The following GPR176 variants were observed in gnomAD, a reference collection of about 807,000 sequenced individuals.
GPR176 encodes G protein-coupled receptor 176.
A neutral mutation model predicts 35.4 loss-of-function variants in GPR176; 26 were observed. The ratio of observed to expected loss-of-function variants is 0.74; its 90% confidence interval spans 0.54 to 1.02. GPR176 has a LOEUF of 1.02. Ranked by LOEUF, GPR176 falls within the 50% of genes least tolerant of loss-of-function variation. The probability of loss-of-function intolerance (pLI) is 0.00; values close to 1 mark genes in which losing one functional copy is unlikely to be tolerated. For missense variants in GPR176, 597 were observed against 665.3 expected (o/e 0.90, Z 1.13); for synonymous variants, 278 against 271.3 (o/e 1.02, Z -0.24).
chr15:39,823,518 C>T (rs1304546747), intron 1 of GPR176, among the ~76,000 whole-genome samples: 3 of 152,300 alleles, frequency 2.0e-5, no homozygotes, highest in Non-Finnish European at 2.9e-5. Context: ...AGCTGCTTCT[C>T]TCCATCCCCA....
intron 1 of GPR176, among the ~76,000 whole-genome samples, chr15:39,808,795 T>C (rs1403890305): frequency 6.6e-6 from 1 of 152,114 alleles, no homozygotes; most frequent in Non-Finnish European, 1.5e-5. Context: ...GAGAACCCCT[T>C]TTGTAGTATG....
intron 1 of GPR176, among the ~76,000 whole-genome samples, chr15:39,855,049 T>TTA (rs1185001917): frequency 2.5e-5 from 3 of 119,656 alleles, no homozygotes; most frequent in Non-Finnish European, 5.1e-5. Context: ...AGACCCTGTC[T>TTA]CAAAAAAAAA....
At chr15:39,821,969 A>T (rs1900303767) in intron 1 of GPR176, among the ~76,000 whole-genome samples, 1 of 152,222 alleles carries the variant, frequency 6.6e-6, no homozygotes, top group Non-Finnish European at 1.5e-5. Context: ...TAGGTCACAA[A>T]AGGCATTGCT....
intron 1 of GPR176, among the ~76,000 whole-genome samples, chr15:39,838,584 C>T (rs1258639426): frequency 6.6e-6 from 1 of 152,068 alleles, no homozygotes; most frequent in Admixed American, 6.6e-5. Context: ...ACAAAAACCA[C>T]ATGATTATCT....
At chr15:39,896,121 C>G (rs185605927) in intron 1 of GPR176, among the ~76,000 whole-genome samples, 65 of 152,214 alleles carry the variant, frequency 4.3e-4, no homozygotes, top group Admixed American at 1.5e-3. Context: ...GTGGCATGAT[C>G]GTAGCTCACT....
At chr15:39,821,535 A>G (rs753174068) in intron 1 of GPR176, among the ~76,000 whole-genome samples, 44 of 152,234 alleles carry the variant, frequency 2.9e-4, no homozygotes, top group Non-Finnish European at 4.7e-4. Context: ...TTAGCCAATA[A>G]ATTTTAATAT....
chr15:39,829,199 C>A, intron 1 of GPR176: 1 of 1,528,622 alleles, frequency 6.5e-7, no homozygotes, highest in Admixed American at 2.0e-5. Context: ...CAACACCTCA[C>A]AACGCAACCC....
intron 1 of GPR176, among the ~76,000 whole-genome samples, chr15:39,874,414 C>G (rs1250098239): frequency 1.3e-5 from 2 of 152,114 alleles, no homozygotes; most frequent in Non-Finnish European, 2.9e-5. Flanking sequence ...TAATTGGCAT[C>G]TTTTTTTTAT....
intron 2 of GPR176, among the ~76,000 whole-genome samples, chr15:39,803,561 GTGA>G (rs1255288163): frequency 6.6e-6 from 1 of 152,078 alleles, no homozygotes; most frequent in Non-Finnish European, 1.5e-5. Flanking sequence ...GATTACAGAC[GTGA>G]GCCACCGTGC....
chr15:39,907,885 TGA>T (rs2140875728), intron 1 of GPR176, among the ~76,000 whole-genome samples: 1 of 152,300 alleles, frequency 6.6e-6, no homozygotes, highest in African/African-American at 2.4e-5. Context: ...CTCAGGAGGC[TGA>T]GGCAGAAGAA....
intron 1 of GPR176, among the ~76,000 whole-genome samples, chr15:39,906,076 T>A (rs2033413837): frequency 6.6e-6 from 1 of 152,244 alleles, no homozygotes; most frequent in South Asian, 2.1e-4. Context: ...TTTAAAAAGA[T>A]GCTGAAGGTT....
chr15:39,867,774 G>A (rs2031889962), intron 1 of GPR176, among the ~76,000 whole-genome samples: 1 of 152,072 alleles, frequency 6.6e-6, no homozygotes, highest in Admixed American at 6.6e-5. Flanking sequence ...GTGAAGTGAG[G>A]AGTGGACACA....
intron 1 of GPR176, chr15:39,829,186 A>C: frequency 6.5e-6 from 10 of 1,532,396 alleles, no homozygotes; most frequent in Non-Finnish European, 8.7e-6. Flanking sequence ...TCTCATGAAG[A>C]GACAACACCT....
At chr15:39,912,615 C>G (rs1249231698) in intron 1 of GPR176, among the ~76,000 whole-genome samples, 1 of 141,902 alleles carries the variant, frequency 7.0e-6, no homozygotes, top group Non-Finnish European at 1.5e-5. Context: ...GAGACCCTGT[C>G]TCAAAAAAAA....
chr15:39,838,293 C>G (rs1033624705), intron 1 of GPR176, among the ~76,000 whole-genome samples: 3 of 152,088 alleles, frequency 2.0e-5, no homozygotes, highest in African/African-American at 7.2e-5. Context: ...GCCCCATTTG[C>G]TTAAATCAAA....
chr15:39,803,547 G>A (rs1899017047), intron 2 of GPR176, among the ~76,000 whole-genome samples: 1 of 151,956 alleles, frequency 6.6e-6, no homozygotes, highest in East Asian at 1.9e-4. Context: ...TCCCAAAGTG[G>A]TTGGATTACA....
chr15:39,848,066 G>T (rs1161393056), intron 1 of GPR176, among the ~76,000 whole-genome samples: 1 of 152,060 alleles, frequency 6.6e-6, no homozygotes, highest in Non-Finnish European at 1.5e-5. Context: ...CAGCACATGG[G>T]AGATGGTGCT....
intron 1 of GPR176, among the ~76,000 whole-genome samples, chr15:39,891,460 C>T (rs139862682): frequency 1.8e-3 from 275 of 152,216 alleles, no homozygotes; most frequent in African/African-American, 6.3e-3. Flanking sequence ...CTCAAGCGAT[C>T]CTCTCATTTC....
chr15:39,840,695 G>C (rs931675764), intron 1 of GPR176, among the ~76,000 whole-genome samples: 17 of 152,016 alleles, frequency 1.1e-4, no homozygotes, highest in Non-Finnish European at 5.9e-5. Flanking sequence ...GAACCAAGTC[G>C]ATTGTAACCT....
Sources: allele counts gnomAD v4.1 joint callset (sites outside exome capture counted in the v4.1 genomes callset), GRCh38; gene constraint gnomAD v4.1.1; transcripts MANE v1.5; gene names NCBI Gene and HGNC (gene_info 2026-07-23, HGNC 2026-07-21).